ZFAND3: variants seen among roughly 807,000 people sequenced by gnomAD.
ZFAND3 encodes the protein AN1-type zinc finger protein 3.
Under a neutral mutation model 29.6 loss-of-function variants are expected in ZFAND3, and 10 were observed. The ratio of observed to expected loss-of-function variants is 0.34; its 90% CI spans 0.21 to 0.57. The LOEUF (loss-of-function observed/expected upper bound fraction) is 0.57, where lower values mean the gene tolerates loss of function less well. Among genes scored for constraint, ZFAND3 ranks in the 20% least tolerant of loss-of-function variants. The pLI is 0.86. For synonymous variants in ZFAND3, 128 were observed against 112.6 expected (o/e 1.14, Z -0.87); for missense variants, 230 against 304.5 (o/e 0.76, Z 1.82).
At chr6:37,885,575 C>A (rs941601032) in intron 1 of ZFAND3, among the ~76,000 whole-genome samples, 2 of 152,028 alleles carry the variant, frequency 1.3e-5, no homozygotes, top group East Asian at 1.9e-4. Flanking sequence ...GCCTGGGAGG[C>A]GGAGGTTGCA....
intron 4 of ZFAND3, among the ~76,000 whole-genome samples, chr6:38,113,654 A>G (rs1410497737): frequency 6.6e-6 from 1 of 152,212 alleles, no homozygotes; most frequent in Non-Finnish European, 1.5e-5. Flanking sequence ...GATTGTGATT[A>G]TGTAAATATG....
intron 1 of ZFAND3, among the ~76,000 whole-genome samples, chr6:37,829,232 T>TAAAA (rs57037823): frequency 1.4e-5 from 2 of 144,708 alleles, no homozygotes; most frequent in Non-Finnish European, 3.0e-5. Context: ...TTTGTTGCTT[T>TAAAA]AAAAAAAAAA....
intron 1 of ZFAND3, among the ~76,000 whole-genome samples, chr6:37,843,590 A>G (rs2127375327): frequency 6.6e-6 from 1 of 152,278 alleles, no homozygotes; most frequent in East Asian, 1.9e-4. Context: ...GAGAGCTAAT[A>G]GGAGAATTTT....
intron 2 of ZFAND3, among the ~76,000 whole-genome samples, chr6:37,962,098 T>C (rs956452814): frequency 2.0e-5 from 3 of 152,080 alleles, no homozygotes; most frequent in Admixed American, 1.3e-4. Flanking sequence ...TTGAGGAAAC[T>C]CAAAGAAATT....
intron 2 of ZFAND3, among the ~76,000 whole-genome samples, chr6:38,020,846 C>T (rs1424942966): frequency 6.6e-6 from 1 of 152,134 alleles, no homozygotes; most frequent in Non-Finnish European, 1.5e-5. Flanking sequence ...CAGCTGTCAG[C>T]AGGTTTACAT....
chr6:37,822,652 AGGGGCACCTACCCTAGCTGGGGT>A (rs1302914626), intron 1 of ZFAND3, among the ~76,000 whole-genome samples: 3 of 152,052 alleles, frequency 2.0e-5, no homozygotes, highest in Non-Finnish European at 4.4e-5. Context: ...GCTCTAGGGG[AGGGGCACCTACCCTAGCTGGGGT>A]GGAGGTAGAG....
intron 1 of ZFAND3, among the ~76,000 whole-genome samples, chr6:37,858,105 G>T (rs1764417907): frequency 6.6e-6 from 1 of 152,130 alleles, no homozygotes; most frequent in African/African-American, 2.4e-5. Flanking sequence ...TTGTGAGAGG[G>T]TCTTTTTGGA....
intron 1 of ZFAND3, among the ~76,000 whole-genome samples, chr6:37,853,543 T>G (rs1764322402): frequency 6.6e-6 from 1 of 152,000 alleles, no homozygotes; most frequent in South Asian, 2.1e-4. Flanking sequence ...TTTTGGGGGG[T>G]TAACTTAGGA....
intron 2 of ZFAND3, among the ~76,000 whole-genome samples, chr6:38,048,520 G>A (rs1763953493): frequency 6.6e-6 from 1 of 150,438 alleles, no homozygotes; most frequent in Non-Finnish European, 1.5e-5. Context: ...TACTCGGGAG[G>A]CTGAGGCAGG....
chr6:38,011,762 T>C (rs911774180), intron 2 of ZFAND3, among the ~76,000 whole-genome samples: 1 of 152,132 alleles, frequency 6.6e-6, no homozygotes, highest in African/African-American at 2.4e-5. Context: ...CAGAACTCTA[T>C]TACACTTAAA....
chr6:37,872,881 C>G (rs1012176357), intron 1 of ZFAND3, among the ~76,000 whole-genome samples: 2 of 152,212 alleles, frequency 1.3e-5, no homozygotes, highest in African/African-American at 4.8e-5. Flanking sequence ...ATTTCTGCAA[C>G]CTTAGTACAT....
At chr6:38,119,376 G>A (rs548438206) in intron 5 of ZFAND3, among the ~76,000 whole-genome samples, 3 of 152,244 alleles carry the variant, frequency 2.0e-5, no homozygotes, top group South Asian at 4.1e-4. Context: ...ACTCAGGAAG[G>A]TAGTTTGAGC....
chr6:38,083,655 T>G (rs1423691866), intron 4 of ZFAND3, among the ~76,000 whole-genome samples: 3 of 151,992 alleles, frequency 2.0e-5, no homozygotes, highest in Non-Finnish European at 4.4e-5. Context: ...CTTCCAATCT[T>G]GGCCCTCAGA....
chr6:37,854,189 G>A (rs1414787621), intron 1 of ZFAND3, among the ~76,000 whole-genome samples: 2 of 152,112 alleles, frequency 1.3e-5, no homozygotes, highest in Non-Finnish European at 2.9e-5. Flanking sequence ...GACCTCAGGT[G>A]ATCCGCCTGC....
At chr6:38,026,900 A>G (rs1055084098) in intron 2 of ZFAND3, among the ~76,000 whole-genome samples, 1 of 150,076 alleles carries the variant, frequency 6.7e-6, no homozygotes, top group Non-Finnish European at 1.5e-5. Context: ...ACATTAGCTA[A>G]TTTACTCTTT....
intron 2 of ZFAND3, among the ~76,000 whole-genome samples, chr6:38,037,267 T>C: frequency 6.6e-6 from 1 of 152,202 alleles, no homozygotes; most frequent in East Asian, 1.9e-4. Context: ...TTTAGTGTTA[T>C]TTGAGTGACA....
chr6:37,937,919 G>A (rs889252194), intron 2 of ZFAND3, among the ~76,000 whole-genome samples: 2 of 152,062 alleles, frequency 1.3e-5, no homozygotes, highest in African/African-American at 4.8e-5. Context: ...TTGGATGGTT[G>A]GGTGTCTGAC....
chr6:37,897,947 C>T (rs577235693), intron 1 of ZFAND3, among the ~76,000 whole-genome samples: 25 of 152,318 alleles, frequency 1.6e-4, no homozygotes, highest in African/African-American at 5.3e-4. Flanking sequence ...CCCACACACA[C>T]ACCCCATGTA....
intron 2 of ZFAND3, among the ~76,000 whole-genome samples, chr6:37,949,543 G>A (rs1194928558): frequency 6.6e-6 from 1 of 152,124 alleles, no homozygotes; most frequent in East Asian, 1.9e-4. Flanking sequence ...CCCCAAGACT[G>A]CTCCCTCCTT....
Sources: allele counts gnomAD v4.1 joint callset (sites outside exome capture counted in the v4.1 genomes callset), GRCh38; gene constraint gnomAD v4.1.1; transcripts MANE v1.5; gene names NCBI Gene and HGNC (gene_info 2026-07-23, HGNC 2026-07-21).